Variants in PRPF8 observed in about 807,000 individuals in gnomAD.
PRPF8 encodes the protein pre-mRNA-processing-splicing factor 8.
PRPF8 carries 64 observed loss-of-function variants against 285.9 expected under a neutral mutation model. The observed-to-expected ratio is 0.22, with a 90% CI of 0.18 to 0.28. PRPF8 has a LOEUF of 0.28. PRPF8 is among the 10% of genes least tolerant of loss of function. The pLI, the probability that PRPF8 is intolerant of heterozygous loss-of-function variation, is 1.00. For missense variants in PRPF8, 1,426 were observed against 3,026.7 expected, an observed-to-expected ratio of 0.47 and a Z score of 12.41; for synonymous variants, 1,325 against 1,118.2, an observed-to-expected ratio of 1.18 and a Z score of -3.69.
In PRPF8 at chr17:1,676,136, T is replaced by C; in HGVS notation, c.2552+71A>G. 25 of 1,612,022 alleles carry C rather than the reference T, an allele frequency of 1.6e-5. No homozygotes were observed. Among genetic ancestry groups the C allele is most frequent in the Non-Finnish European group, 2.1e-5 (25 of 1,179,828 alleles). Reference sequence around the variant, plus strand: ...AAGACTGGGGCTACACCTTCTTTCTTTGGACTCTGAGGATGACGCCATTCC... The same window carrying C: ...AAGACTGGGGCTACACCTTCTTTCTCTGGACTCTGAGGATGACGCCATTCC... On this transcript the variant is annotated intron_variant, in intron 17 of 42. Transcript: ENST00000304992. The surrounding 1 kb of genome is among the most constrained non-coding windows in gnomAD (Gnocchi z 6.3).
intron 24 of PRPF8, 136 bp downstream of exon 24, chr17:1,672,945 T>C: frequency 2.4e-6 from 2 of 837,762 alleles, no homozygotes; most frequent in Admixed American, 1.7e-5. Flanking sequence ...TAAGCCACTA[T>C]GGCACAGAGC....
At chr17:1,683,131 G>A in intron 3 of PRPF8, 1 of 309,710 alleles carries the variant, frequency 3.2e-6, no homozygotes, top group South Asian at 2.9e-5. Flanking sequence ...AAGTAGCTGG[G>A]ACTACAGACA....
Position 1,673,214 on chromosome 17 carries a change from A to C in PRPF8, c.3658-17T>G, listed in dbSNP as rs773449766. 1 of 1,613,376 alleles carries C rather than the reference A, an allele frequency of 6.2e-7. No individual in the cohort carries two copies. The highest frequency in any genetic ancestry group is 8.5e-7 in the Non-Finnish European group (1 of 1,179,270). On this transcript the variant is annotated splice_polypyrimidine_tract_variant and intron_variant, in intron 23 of 42. Transcript: ENST00000304992. This position sits in a 1 kb window ranked among gnomAD's most constrained non-coding sequence, Gnocchi z 5.5. ...CTTAGTAACCTAAACCACAAAGTCAAGGTTAACATGTCCGAGGAACTCCCA... is the reference window on the plus strand; with the variant it reads ...CTTAGTAACCTAAACCACAAAGTCACGGTTAACATGTCCGAGGAACTCCCA...
intron 24 of PRPF8, among the ~76,000 whole-genome samples, chr17:1,668,564 G>A (rs1288742903): frequency 2.0e-5 from 3 of 151,350 alleles, no homozygotes; most frequent in South Asian, 2.1e-4. Context: ...GGGTTTCACC[G>A]CGTTAGCCAG....
At chr17:1,670,951 GA>G (rs1912281153) in intron 24 of PRPF8, among the ~76,000 whole-genome samples, 1 of 150,978 alleles carries the variant, frequency 6.6e-6, no homozygotes, top group Admixed American at 6.6e-5. Flanking sequence ...AAAAAAAGAA[GA>G]AAAACACATC....
At chr17:1,667,969 T>C (rs1664294099) in intron 24 of PRPF8, among the ~76,000 whole-genome samples, 2 of 152,224 alleles carry the variant, frequency 1.3e-5, no homozygotes, top group Non-Finnish European at 2.9e-5. Context: ...TAAGCCACCA[T>C]GCCCAGCTTT....
intron 3 of PRPF8, 31 bp from the exon 4 acceptor site, chr17:1,682,324 G>A (rs765892793): frequency 1.9e-6 from 3 of 1,609,568 alleles, no homozygotes; most frequent in Non-Finnish European, 2.6e-6. Context: ...AAGGCTATCA[G>A]AAATGACGAG....
In PRPF8 at chr17:1,676,709, G is replaced by A; in HGVS notation, c.2184C>T (p.Val728=). ...TCTCTATGGGCGTCGGCAGCCCAGG[G>A]ACCTAAAAGTCCAAAAAGCACAATC... ...RCWKANIPWK[V]PGLPTPIENM... is the part of the protein sequence containing the mutation. The change falls in exon 16 of 43, where the codon GTC becomes GTT. Residue 728 remains valine (V), a splice_region_variant and synonymous_variant. Transcript: ENST00000304992. This position sits in a 1 kb window ranked among gnomAD's most constrained non-coding sequence, Gnocchi z 6.3. 2.5e-6 allele frequency: 4 copies of A among 1,613,834 alleles called. No individual in the cohort carries two copies. The highest frequency in any genetic ancestry group is 2.5e-6 in the Non-Finnish European group (3 of 1,180,014).
chr17:1,670,263 C>T (rs1182845077), intron 24 of PRPF8, among the ~76,000 whole-genome samples: 11 of 152,210 alleles, frequency 7.2e-5, no homozygotes, highest in African/African-American at 2.7e-4. Context: ...ATATCCTAAA[C>T]TAGATTTCTT....
Position 1,675,307 on chromosome 17 carries a change from T to G in PRPF8, c.2905A>C (p.Ser969Arg), listed in dbSNP as rs771671451. Residue 969 changes from serine to arginine, a missense_variant, in exon 20 of 43, where the codon AGT (serine) becomes CGT (arginine). Ser to Arg is a moderately radical substitution (Grantham distance 110, BLOSUM62 -1). Transcript: ENST00000304992. The surrounding 1 kb of genome is among the most constrained non-coding windows in gnomAD (Gnocchi z 6.0). ...AGCATGACATTGCACTCGCCTTCAC[T>G]CGTCTCCCACACGTCCTGCAGGTTA... ...INNLQDVWET[S>R]EGECNVMLES... is the part of the protein sequence containing the mutation. The G allele has an allele frequency of 6.2e-7, 1 of 1,614,172 alleles. No homozygotes were observed. The highest frequency in any genetic ancestry group is 8.5e-7 in the Non-Finnish European group (1 of 1,180,032).
At position 1,660,976 on chromosome 17, in the gene PRPF8, G is replaced by A. The variant is rs771345171; in HGVS notation, c.4508+17C>T. 4.3e-6 allele frequency: 7 copies of A among 1,613,374 alleles called. No homozygotes were observed. The African/African-American group carries it at 8.0e-5, about 18-fold the overall frequency. On this transcript the variant is annotated intron_variant, in intron 28 of 42. Coordinates refer to ENST00000304992, the MANE Select transcript of PRPF8 (RefSeq NM_006445.4). ...AAAGGGTTGTGACAGGTCCCTCTAA[G>A]AGAGGAGAATCCTCACCAGAAAAGC...
intron 8 of PRPF8, chr17:1,680,369 G>C: frequency 2.7e-6 from 1 of 371,898 alleles, no homozygotes; most frequent in Non-Finnish European, 5.0e-6. Flanking sequence ...ACAACTCTGA[G>C]AATAAGCTAA....
rs376662652 is a variant in PRPF8, at chr17:1,656,381, G to C, written c.5793+11C>G. On this transcript the variant is annotated intron_variant, in intron 36 of 42. Coordinates refer to ENST00000304992, the MANE Select transcript of PRPF8 (RefSeq NM_006445.4). ...CCTCCTCCAGCGATCTTCTCTTCCC[G>C]AGGTTCATACCGTGTAAGATGAAAT... 3.1e-6 allele frequency: 5 copies of C among 1,613,998 alleles called. No individual in the cohort carries two copies. The East Asian group carries it at 1.1e-4, about 36-fold the overall frequency.
At position 1,665,388 on chromosome 17, in the gene PRPF8, A is replaced by T. The variant is rs556096450; in HGVS notation, c.3775-3235T>A. On this transcript the variant is annotated intron_variant, in intron 24 of 42. Coordinates refer to ENST00000304992, the MANE Select transcript of PRPF8 (RefSeq NM_006445.4). Reference sequence around the variant, plus strand: ...CCCGTCTCTACTACAAATACAAAAAATTAGCTGAGCATGGTGGCAGGCGAC... The same window carrying T: ...CCCGTCTCTACTACAAATACAAAAATTTAGCTGAGCATGGTGGCAGGCGAC... Among the ~76,000 whole-genome samples, 3 of 151,580 alleles carry T rather than the reference A, an allele frequency of 2.0e-5. No individual in the cohort carries two copies. The South Asian group carries it at 6.3e-4, about 32-fold the overall frequency.
chr17:1,679,335 C>T lies in PRPF8; in HGVS notation c.1365G>A (p.Val455=). The T allele has an allele frequency of 1.2e-6, 2 of 1,614,142 alleles. No individual in the cohort carries two copies. The change falls in exon 10 of 43, where the codon GTG becomes GTA. Residue 455 remains valine, a synonymous_variant. Transcript: ENST00000304992. This position sits in a 1 kb window ranked among gnomAD's most constrained non-coding sequence, Gnocchi z 4.7. ...VSYQKLLKYY[V]LNALKHRPPK... ...GGGGCCGATGCTTCAGGGCATTCAG[C>T]ACATAGTACTTAAGCAGCTTCTGGT... is the stretch of plus-strand genomic sequence containing the variant.
intron 37 of PRPF8, 102 bp from the exon 38 acceptor site, chr17:1,654,118 C>T (rs1219178599): frequency 6.4e-7 from 1 of 1,552,830 alleles, no homozygotes; most frequent in African/African-American, 1.4e-5. Context: ...AGCCTATACT[C>T]ACGCCCCAGA....
intron 20 of PRPF8, 23 bp from the exon 21 acceptor site, chr17:1,674,703 C>A: frequency 6.2e-7 from 1 of 1,602,818 alleles, no homozygotes; most frequent in Non-Finnish European, 8.5e-7. Context: ...AACTACAATT[C>A]TTAAGAATGT....
At chr17:1,660,379 A>G (rs990750134) in intron 30 of PRPF8, 53 bp downstream of exon 30, 6 of 1,612,086 alleles carry the variant, frequency 3.7e-6, no homozygotes, top group East Asian at 2.2e-5. Context: ...TCTCCCCTCA[A>G]TTCCACCTGA....
rs1912624839 is a variant in PRPF8 at position 1,676,810 on chromosome 17, A to C, written c.2182-99T>G. On this transcript the variant is annotated intron_variant, in intron 15 of 42. Transcript: ENST00000304992. The surrounding 1 kb of genome is among the most constrained non-coding windows in gnomAD (Gnocchi z 6.3). Reference sequence around the variant, plus strand: ...TCAGGAGGCTAAGGAGGATCGCTTGAGCTCAGGAGCTTGAGGCCAGCCTAA... The same window carrying C: ...TCAGGAGGCTAAGGAGGATCGCTTGCGCTCAGGAGCTTGAGGCCAGCCTAA... The C allele has an allele frequency of 6.7e-7, 1 of 1,494,568 alleles. No homozygotes were observed. Among genetic ancestry groups the C allele is most frequent in the Non-Finnish European group, 9.3e-7 (1 of 1,080,628 alleles). 92.6% of individuals were successfully genotyped at this position (1,494,568 alleles called of 1,614,324 possible).
Sources: allele counts gnomAD v4.1 joint callset (sites outside exome capture counted in the v4.1 genomes callset), GRCh38; gene constraint gnomAD v4.1.1; non-coding constraint Gnocchi (gnomAD v3.1); transcripts MANE v1.5; gene names NCBI Gene and HGNC (gene_info 2026-07-23, HGNC 2026-07-21).